The following SHISA9 variants were observed in gnomAD, a reference collection of about 807,000 sequenced individuals.
SHISA9 encodes protein shisa-9.
A neutral mutation model predicts 38.0 loss-of-function variants in SHISA9; 13 were observed. The observed-to-expected ratio is 0.34, with a 90% CI of 0.22 to 0.54. The LOEUF (loss-of-function observed/expected upper bound fraction) is 0.54. Ranked by LOEUF, SHISA9 falls within the 20% of genes least tolerant of loss-of-function variation. SHISA9 has a pLI of 0.91. For missense variants in SHISA9, 538 were observed against 575.8 expected, an observed-to-expected ratio of 0.93 and a Z score of 0.67; for synonymous variants, 275 against 242.0, an observed-to-expected ratio of 1.14 and a Z score of -1.27.
chr16:13,252,086 G>A, the SHISA9 span, among the ~76,000 whole-genome samples: 1 of 152,148 alleles, frequency 6.6e-6, no homozygotes, highest in South Asian at 2.1e-4. Flanking sequence ...TTCACTCCAT[G>A]TAAAGTCAAA....
chr16:13,327,136 G>GT, the SHISA9 span, among the ~76,000 whole-genome samples: 1 of 152,140 alleles, frequency 6.6e-6, no homozygotes, highest in Non-Finnish European at 1.5e-5. Flanking sequence ...CTATGTGAAA[G>GT]ACGCATTCCT....
chr16:13,561,044 G>C, the SHISA9 span, among the ~76,000 whole-genome samples: 1 of 151,532 alleles, frequency 6.6e-6, no homozygotes, highest in South Asian at 2.1e-4. Context: ...TTGTATTTTT[G>C]GTAGAGATGG....
the SHISA9 span, among the ~76,000 whole-genome samples, chr16:13,297,948 G>A: frequency 6.6e-6 from 1 of 152,160 alleles, no homozygotes; most frequent in Non-Finnish European, 1.5e-5. Context: ...TAGAGACAGG[G>A]TTTCTCCATG....
the SHISA9 span, among the ~76,000 whole-genome samples, chr16:13,514,684 G>A: frequency 6.6e-6 from 1 of 152,192 alleles, no homozygotes; most frequent in African/African-American, 2.4e-5. Flanking sequence ...GCATCAGCAA[G>A]TTGTGGTCAA....
intron 2 of SHISA9, among the ~76,000 whole-genome samples, chr16:13,175,483 C>CT (rs2050724158): frequency 6.6e-6 from 1 of 152,068 alleles, no homozygotes; most frequent in Non-Finnish European, 1.5e-5. Context: ...TATTTGCAGG[C>CT]TGGGAAGTTG....
intron 4 of SHISA9, among the ~76,000 whole-genome samples, chr16:13,213,699 T>G (rs2051141692): frequency 6.6e-6 from 1 of 152,090 alleles, no homozygotes. Context: ...ATAATCAAGT[T>G]ATTGGCCAAG....
intron 2 of SHISA9, among the ~76,000 whole-genome samples, chr16:12,943,324 TGTGTGTGAGAGAGAGAGA>T (rs2071643795): frequency 2.4e-4 from 5 of 21,072 alleles, no homozygotes; most frequent in African/African-American, 8.9e-4. Context: ...TGTGTGTGTG[TGTGTGTGAGAGAGAGAGA>T]GAGAGAGAGA....
At chr16:13,506,916 G>T in the SHISA9 span, among the ~76,000 whole-genome samples, 1 of 151,964 alleles carries the variant, frequency 6.6e-6, no homozygotes, top group Admixed American at 6.6e-5. Flanking sequence ...GGTGGTGTGC[G>T]CCTGTAGTCC....
chr16:13,163,927 A>G (rs1255850631), intron 2 of SHISA9, among the ~76,000 whole-genome samples: 1 of 152,028 alleles, frequency 6.6e-6, no homozygotes, highest in Non-Finnish European at 1.5e-5. Flanking sequence ...CTGCAAATAA[A>G]CACAGTATTA....
the SHISA9 span, among the ~76,000 whole-genome samples, chr16:13,353,942 G>A: frequency 1.3e-5 from 2 of 151,978 alleles, no homozygotes; most frequent in Non-Finnish European, 2.9e-5. Flanking sequence ...CTAAACTGAG[G>A]AATTATGTCT....
the SHISA9 span, among the ~76,000 whole-genome samples, chr16:13,534,856 T>G: frequency 6.6e-6 from 1 of 152,194 alleles, no homozygotes; most frequent in Non-Finnish European, 1.5e-5. Context: ...TTCTAAAATC[T>G]TTCCCTAGAT....
At chr16:13,330,005 C>T in the SHISA9 span, among the ~76,000 whole-genome samples, 4 of 152,204 alleles carry the variant, frequency 2.6e-5, no homozygotes, top group Admixed American at 6.5e-5. Flanking sequence ...CCTCCCCGAC[C>T]GATTGTGAGA....
chr16:12,991,680 G>C (rs143308553), intron 2 of SHISA9, among the ~76,000 whole-genome samples: 1 of 152,120 alleles, frequency 6.6e-6, no homozygotes, highest in Non-Finnish European at 1.5e-5. Context: ...AGAGGAAGAT[G>C]AGCTGAGTCA....
chr16:13,506,560 G>A, the SHISA9 span, among the ~76,000 whole-genome samples: 3 of 152,130 alleles, frequency 2.0e-5, no homozygotes, highest in Non-Finnish European at 4.4e-5. Context: ...TTAGACATGC[G>A]GATATCCAGG....
chr16:13,284,585 G>A, the SHISA9 span, among the ~76,000 whole-genome samples: 1 of 151,954 alleles, frequency 6.6e-6, no homozygotes, highest in Non-Finnish European at 1.5e-5. Context: ...TCTTTATTAT[G>A]CATTTCATTA....
intron 2 of SHISA9, among the ~76,000 whole-genome samples, chr16:13,198,059 C>A (rs979973303): frequency 1.3e-5 from 2 of 152,070 alleles, no homozygotes; most frequent in African/African-American, 4.8e-5. Context: ...GTGGCACATG[C>A]CTGTAATCCC....
At position 12,969,069 on chromosome 16, in the gene SHISA9, A is replaced by G. The variant is rs184785502; in HGVS notation, c.691+52254A>G. 3.8e-3 allele frequency among the ~76,000 whole-genome samples: 580 copies of G among 151,660 alleles called. 6 individuals are homozygous for G. Among genetic ancestry groups the G allele is most frequent in the Non-Finnish European group, 3.7e-3 (254 of 67,886 alleles). On this transcript the variant is annotated intron_variant, in intron 2 of 4. Transcript: ENST00000558583. ...CTACTTGGAAGGCTGAGGCTGGAGA[A>G]TCGCTTGAACCTAGGGGGCAAAGGT... is the stretch of plus-strand genomic sequence containing the variant.
At chr16:13,034,024 T>C (rs1222528194) in intron 2 of SHISA9, among the ~76,000 whole-genome samples, 1 of 151,816 alleles carries the variant, frequency 6.6e-6, no homozygotes, top group Non-Finnish European at 1.5e-5. Context: ...CGCATGCCTG[T>C]AATGCAGCTA....
At chr16:13,308,582 C>T in the SHISA9 span, among the ~76,000 whole-genome samples, 2 of 152,182 alleles carry the variant, frequency 1.3e-5, no homozygotes, top group Non-Finnish European at 2.9e-5. Flanking sequence ...TTCAAATTCC[C>T]TCCCTCCAAT....
Sources: allele counts gnomAD v4.1 joint callset (sites outside exome capture counted in the v4.1 genomes callset), GRCh38; gene constraint gnomAD v4.1.1; transcripts MANE v1.5; gene names NCBI Gene and HGNC (gene_info 2026-07-23, HGNC 2026-07-21).